The following RTKN2 variants were observed in gnomAD, a reference collection of about 807,000 sequenced individuals.
RTKN2 encodes the protein rhotekin-2.
A neutral mutation model predicts 71.5 loss-of-function variants in RTKN2; 69 were observed. That is an observed-to-expected ratio of 0.96 (90% CI 0.79 to 1.18). The LOEUF (loss-of-function observed/expected upper bound fraction) is 1.18, where lower values mean the gene tolerates loss of function less well. Ranked by LOEUF, RTKN2 falls within the 50% of genes most tolerant of loss-of-function variation. The pLI is 0.00. For missense variants in RTKN2, 724 were observed against 719.7 expected (o/e 1.01, Z -0.07); for synonymous variants, 236 against 236.5 (o/e 1.00, Z 0.02).
chr10:62,220,710 C>T (rs549874703), intron 7 of RTKN2, among the ~76,000 whole-genome samples: 1 of 152,202 alleles, frequency 6.6e-6, no homozygotes, highest in African/African-American at 2.4e-5. Flanking sequence ...TGTAAAGAAG[C>T]TCAAGAAACC....
intron 8 of RTKN2, among the ~76,000 whole-genome samples, chr10:62,187,857 A>G (rs1841161609): frequency 6.6e-6 from 1 of 152,224 alleles, no homozygotes; most frequent in Middle Eastern, 3.2e-3. Context: ...AGAATCTGTC[A>G]GAGATGTGAT....
intron 3 of RTKN2, among the ~76,000 whole-genome samples, chr10:62,242,641 C>A (rs907721097): frequency 2.0e-5 from 3 of 150,532 alleles, no homozygotes; most frequent in African/African-American, 7.3e-5. Context: ...TTTGAGACAG[C>A]GTCTTGCTCT....
exon 9 of RTKN2, chr10:62,184,107 T>C: frequency 2.2e-6 from 1 of 453,854 alleles, no homozygotes; most frequent in Non-Finnish European, 3.8e-6. Context: ...AAACACTGAA[T>C]GGAAAATAAA....
At chr10:62,208,393 A>G (rs1841590400) in intron 9 of RTKN2, among the ~76,000 whole-genome samples, 1 of 152,180 alleles carries the variant, frequency 6.6e-6, no homozygotes, top group South Asian at 2.1e-4. Context: ...GTATAAGATG[A>G]TTCTGGAACA....
At chr10:62,211,649 AC>A (rs2132856650) in intron 9 of RTKN2, among the ~76,000 whole-genome samples, 1 of 152,256 alleles carries the variant, frequency 6.6e-6, no homozygotes, top group African/African-American at 2.4e-5. Context: ...TATACTAAAA[AC>A]TAAAAGAGAA....
At chr10:62,185,648 T>A (rs79252517) in intron 8 of RTKN2, among the ~76,000 whole-genome samples, 2,773 of 152,168 alleles carry the variant, frequency 0.018, 98 homozygotes, top group African/African-American at 0.063. Context: ...AGCAAAGACA[T>A]TGACTCAGTT....
chr10:62,221,565 G>A (rs74726691), intron 7 of RTKN2, among the ~76,000 whole-genome samples: 3,642 of 140,948 alleles, frequency 0.026, 57 homozygotes, highest in Middle Eastern at 0.058. Context: ...ACAGTTTGAG[G>A]TAAAAGAAGA....
chr10:62,211,845 T>C (rs1227850836), intron 9 of RTKN2, among the ~76,000 whole-genome samples: 1 of 152,026 alleles, frequency 6.6e-6, no homozygotes, highest in African/African-American at 2.4e-5. Context: ...TTTGTGTTTT[T>C]AGTAGAGATG....
chr10:62,267,651 T>A (rs532307619), intron 1 of RTKN2, among the ~76,000 whole-genome samples: 5 of 152,218 alleles, frequency 3.3e-5, no homozygotes, highest in Non-Finnish European at 7.3e-5. Context: ...GCTAAGGAAA[T>A]CCCAGATTTT....
chr10:62,197,949 C>G lies in RTKN2; in HGVS notation c.1789G>C (p.Asp597His), dbSNP rs770623953. The change falls in exon 12 of 12, where the codon GAC becomes CAC. Residue 597 changes from aspartate (D) to histidine (H), a missense_variant. Transcript: ENST00000373789. ...VPAPRQKSIK[D>H]ILDPRSWLQA... ...AGCCATGATCTAGGGTCCAGAATGTCTTTGATGGATTTCTGCCTTGGAGCT... is the reference window on the plus strand; with the variant it reads ...AGCCATGATCTAGGGTCCAGAATGTGTTTGATGGATTTCTGCCTTGGAGCT... 6 of 1,613,794 alleles carry G rather than the reference C, an allele frequency of 3.7e-6. No individual in the cohort carries two copies. In the African/African-American group the frequency reaches 6.7e-5, roughly 18 times the overall value.
intron 6 of RTKN2, among the ~76,000 whole-genome samples, chr10:62,231,202 C>A (rs1207405914): frequency 1.3e-5 from 2 of 152,038 alleles, no homozygotes; most frequent in Admixed American, 6.6e-5. Flanking sequence ...AATAATCATG[C>A]TGAATTTTAC....
chr10:62,256,953 G>T (rs917668946), intron 2 of RTKN2, among the ~76,000 whole-genome samples: 3 of 151,256 alleles, frequency 2.0e-5, no homozygotes, highest in African/African-American at 7.3e-5. Flanking sequence ...CATAAAAGAA[G>T]GTGACAAAAA....
chr10:62,197,302 T>A lies in RTKN2; in HGVS notation c.*606A>T, dbSNP rs1291497739. On this transcript the variant is annotated 3_prime_UTR_variant, in exon 12 of 12. Transcript: ENST00000373789. ...GGCTCATCAAGGAAACAAGTTTGAATAGCACATTACAAATTCCCTTTAAAG... is the reference window on the plus strand; with the variant it reads ...GGCTCATCAAGGAAACAAGTTTGAAAAGCACATTACAAATTCCCTTTAAAG... 2 of 985,516 alleles carry A rather than the reference T, an allele frequency of 2.0e-6. No individual in the cohort carries two copies. The highest frequency in any genetic ancestry group is 2.4e-6 in the Non-Finnish European group (2 of 829,644). The allele number at this position is 985,516 out of a possible 1,614,324, so 61.0% of individuals were successfully genotyped here. A position where few individuals can be genotyped will look rare whatever the true frequency, so the allele number is the denominator to read the frequency against.
intron 8 of RTKN2, among the ~76,000 whole-genome samples, chr10:62,187,279 A>C (rs867153482): frequency 1.7e-4 from 25 of 147,876 alleles, no homozygotes; most frequent in East Asian, 1.4e-3. Flanking sequence ...ACAAATCACA[A>C]AAAAAAAAAA....
Position 62,196,289 on chromosome 10 carries a change from A to C in RTKN2, c.*1619T>G. The stretch of plus-strand genomic sequence containing the variant: ...TTAGAAAAAATAAGTTTACTTTTTA[A>C]GGTTTCCATACATGTGATGATCTCT... On this transcript the variant is annotated 3_prime_UTR_variant, in exon 12 of 12. Transcript: ENST00000373789. 5 of 982,930 alleles carry C rather than the reference A, an allele frequency of 5.1e-6. No homozygotes were observed. Among genetic ancestry groups the C allele is most frequent in the Non-Finnish European group, 6.0e-6 (5 of 827,642 alleles). 60.9% of individuals were successfully genotyped at this position (982,930 alleles called of 1,614,324 possible). A position where few individuals can be genotyped will look rare whatever the true frequency, so the allele number is the denominator to read the frequency against.
rs753403930 is a variant in RTKN2 at position 62,223,267 on chromosome 10, T to C, written c.752A>G (p.Lys251Arg). Residue 251 changes from lysine to arginine, a missense_variant, in exon 7 of 12, where the codon AAG (lysine) becomes AGG (arginine). Lys to Arg is a conservative substitution (Grantham distance 26). Transcript: ENST00000373789. The part of the protein sequence containing the change: ...LTLESAEDSF[K>R]THNLSINGNE... ...TCCATTAATAGACAGATTATGGGTC[T>C]TGAAACTATCCTCAGCACTTTCCAA... 6 of 1,609,236 alleles carry C rather than the reference T, an allele frequency of 3.7e-6. No individual in the cohort carries two copies. The South Asian group carries it at 6.6e-5, about 18-fold the overall frequency.
At chr10:62,205,262 G>T (rs1242622078) in intron 9 of RTKN2, among the ~76,000 whole-genome samples, 4 of 152,028 alleles carry the variant, frequency 2.6e-5, no homozygotes, top group Non-Finnish European at 4.4e-5. Flanking sequence ...GCTATATATA[G>T]CACTTATGCT....
chr10:62,194,401 ATTATAAT>A lies in RTKN2; in HGVS notation c.*3500_*3506del. The A allele has an allele frequency of 3.1e-6, 3 of 982,234 alleles. No individual in the cohort carries two copies. The highest frequency in any genetic ancestry group is 3.6e-6 in the Non-Finnish European group (3 of 826,990). The allele number at this position is 982,234 out of a possible 1,614,324, so 60.8% of individuals were successfully genotyped here. On this transcript the variant is annotated 3_prime_UTR_variant, in exon 12 of 12. Coordinates refer to ENST00000373789, the MANE Select transcript of RTKN2 (RefSeq NM_145307.4). ...TGTAAGGGGAAAATGTCAACTTTAC[ATTATAAT>A]TTAAGACTAACAGTGAAGATGGCTA...
intron 9 of RTKN2, among the ~76,000 whole-genome samples, chr10:62,213,034 C>T (rs936340218): frequency 2.6e-5 from 4 of 152,146 alleles, no homozygotes; most frequent in African/African-American, 9.7e-5. Context: ...CCTGCCTTTT[C>T]ACAAGAGACT....
Sources: gnomAD v4.1 joint callset for allele counts (sites outside exome capture counted in the v4.1 genomes callset) on GRCh38, gnomAD v4.1.1 for gene constraint, MANE v1.5 for transcripts, NCBI Gene and HGNC (gene_info 2026-07-23, HGNC 2026-07-21) for gene names.